The following PEBP4 variants were observed in gnomAD, a reference collection of about 807,000 sequenced individuals.
PEBP4 encodes phosphatidylethanolamine-binding protein 4.
Under a neutral mutation model 23.9 loss-of-function variants are expected in PEBP4, and 22 were observed. The observed-to-expected ratio is 0.92, with a 90% CI of 0.66 to 1.31. The LOEUF (loss-of-function observed/expected upper bound fraction) is 1.31, where lower values mean the gene tolerates loss of function less well. Among genes scored for constraint, PEBP4 ranks in the 40% most tolerant of loss-of-function variants. The pLI, the probability that PEBP4 is intolerant of heterozygous loss-of-function variation, is 0.00. For synonymous variants in PEBP4, 112 were observed against 99.3 expected (o/e 1.13, Z -0.76); for missense variants, 324 against 281.7 (o/e 1.15, Z -1.07).
At chr8:22,794,753 T>C (rs1391635259) in intron 4 of PEBP4, among the ~76,000 whole-genome samples, 1 of 152,218 alleles carries the variant, frequency 6.6e-6, no homozygotes, top group Non-Finnish European at 1.5e-5. Context: ...GATTGGTCAA[T>C]TATTTCACTT....
intron 3 of PEBP4, among the ~76,000 whole-genome samples, chr8:22,905,769 A>G (rs980753024): frequency 1.3e-5 from 2 of 152,156 alleles, no homozygotes; most frequent in African/African-American, 2.4e-5. Context: ...GTTCCTCTCC[A>G]CGGGGCCCTG....
At chr8:22,913,624 A>C (rs1044503480) in intron 3 of PEBP4, among the ~76,000 whole-genome samples, 1 of 150,926 alleles carries the variant, frequency 6.6e-6, no homozygotes, top group Non-Finnish European at 1.5e-5. Flanking sequence ...GGCACCTCCC[A>C]CCCCTGACTT....
chr8:22,782,714 G>A (rs545156732), intron 4 of PEBP4, among the ~76,000 whole-genome samples: 1 of 152,292 alleles, frequency 6.6e-6, no homozygotes, highest in East Asian at 1.9e-4. Flanking sequence ...GGGAGAGCCC[G>A]ACCACTTTCA....
chr8:22,900,706 C>G (rs188082443), intron 3 of PEBP4, among the ~76,000 whole-genome samples: 4 of 151,782 alleles, frequency 2.6e-5, no homozygotes, highest in Non-Finnish European at 5.9e-5. Flanking sequence ...AGAGAACTAG[C>G]CTAGGAGGTT....
At chr8:22,802,854 T>C (rs954899888) in intron 4 of PEBP4, among the ~76,000 whole-genome samples, 4 of 152,218 alleles carry the variant, frequency 2.6e-5, no homozygotes, top group Admixed American at 2.6e-4. Flanking sequence ...TATGGAATTA[T>C]AAACTATCAG....
intron 4 of PEBP4, among the ~76,000 whole-genome samples, chr8:22,776,936 C>G (rs1157661172): frequency 6.6e-6 from 1 of 151,758 alleles, no homozygotes; most frequent in Non-Finnish European, 1.5e-5. Flanking sequence ...GGGGTACAAC[C>G]AGGGCAGCAT....
In PEBP4 at chr8:22,860,168, GTA is replaced by G. The variant is rs35419356; in HGVS notation, c.259-42435_259-42434del. Among the ~76,000 whole-genome samples the G allele has an allele frequency of 4.5e-4, 55 of 122,780 alleles. 1 individual carries two copies. In the East Asian group the frequency reaches 5.9e-3, roughly 13 times the overall value. 80.5% of individuals were successfully genotyped at this position (122,780 alleles called of 152,430 possible). On this transcript the variant is annotated intron_variant, in intron 3 of 6. Transcript: ENST00000256404. Reference sequence around the variant, plus strand: ...AAAAATTATATATACACATATATATGTATATATATATACACATATATATGTAT... The same window carrying G: ...AAAAATTATATATACACATATATATGTATATATATACACATATATATGTAT...
intron 3 of PEBP4, among the ~76,000 whole-genome samples, chr8:22,873,234 C>T (rs867150723): frequency 6.6e-6 from 1 of 152,262 alleles, no homozygotes; most frequent in South Asian, 2.1e-4. Context: ...TCTTCTTTCT[C>T]TTCATTGTCA....
chr8:22,791,550 G>T (rs773621362), intron 4 of PEBP4, among the ~76,000 whole-genome samples: 3 of 151,816 alleles, frequency 2.0e-5, no homozygotes, highest in Non-Finnish European at 4.4e-5. Flanking sequence ...CTCTCTGTGC[G>T]TTCGCGCGTG....
intron 4 of PEBP4, among the ~76,000 whole-genome samples, chr8:22,778,006 C>A (rs1805848505): frequency 6.6e-6 from 1 of 152,166 alleles, no homozygotes; most frequent in Non-Finnish European, 1.5e-5. Context: ...GAGGGGGAAA[C>A]AGAGTCCCAC....
At chr8:22,912,027 G>A (rs1278423723) in intron 3 of PEBP4, among the ~76,000 whole-genome samples, 1 of 152,094 alleles carries the variant, frequency 6.6e-6, no homozygotes, top group Non-Finnish European at 1.5e-5. Flanking sequence ...GGGGGTGGCG[G>A]ATTGGGTAAG....
At chr8:22,766,598 T>C (rs1377201430) in intron 4 of PEBP4, among the ~76,000 whole-genome samples, 1 of 152,140 alleles carries the variant, frequency 6.6e-6, no homozygotes, top group East Asian at 1.9e-4. Flanking sequence ...CTGTGACACA[T>C]CCCTGCACAT....
At chr8:22,897,008 T>TAC (rs1554495427) in intron 3 of PEBP4, among the ~76,000 whole-genome samples, 145 of 151,650 alleles carry the variant, frequency 9.6e-4, no homozygotes, top group African/African-American at 3.4e-3. Flanking sequence ...GTTATATATA[T>TAC]ACACATATAT....
rs148367016 is a variant in PEBP4 at position 22,806,761 on chromosome 8, C to T, written c.357+10876G>A. ...TTTGTTAACAAGTCACAAACTCCCACCTACCACAACAGTCATTGAAGCAAC... is the reference window on the plus strand; with the variant it reads ...TTTGTTAACAAGTCACAAACTCCCATCTACCACAACAGTCATTGAAGCAAC... On this transcript the variant is annotated intron_variant, in intron 4 of 6. Coordinates refer to ENST00000256404, the MANE Select transcript of PEBP4 (RefSeq NM_144962.3). Among the ~76,000 whole-genome samples, 428 of 152,314 alleles carry T rather than the reference C, an allele frequency of 2.8e-3. 1 individual carries two copies. Among genetic ancestry groups the T allele is most frequent in the Admixed American group, 6.7e-3 (102 of 15,300 alleles).
Position 22,830,342 on chromosome 8 carries a change from A to G in PEBP4, c.259-12607T>C, listed in dbSNP as rs1220105957. On this transcript the variant is annotated intron_variant, in intron 3 of 6. Coordinates refer to ENST00000256404, the MANE Select transcript of PEBP4 (RefSeq NM_144962.3). The stretch of plus-strand genomic sequence containing the variant: ...TGTATTTTAGTAGAGATGGGGTTTC[A>G]CCATGTTGGCCAGGATGGTCTCAAT... Among the ~76,000 whole-genome samples the G allele has an allele frequency of 4.9e-4, 75 of 151,838 alleles. 1 individual carries two copies. The highest frequency in any genetic ancestry group is 8.8e-5 in the Non-Finnish European group (6 of 67,974).
rs564644499 is a variant in PEBP4, at chr8:22,874,758, C to T, written c.258+45426G>A. ...TCCTATGGCAGCCTCAATAACGCAG[C>T]GCTTCTGTTCTGCATGAATAAATAT... On this transcript the variant is annotated intron_variant, in intron 3 of 6. Coordinates refer to ENST00000256404, the MANE Select transcript of PEBP4 (RefSeq NM_144962.3). 9.9e-5 allele frequency among the ~76,000 whole-genome samples: 15 copies of T among 152,238 alleles called. No individual in the cohort carries two copies. In the East Asian group the frequency reaches 1.9e-3, roughly 20 times the overall value.
chr8:22,896,427 C>A lies in PEBP4; in HGVS notation c.258+23757G>T, dbSNP rs1563252824. On this transcript the variant is annotated intron_variant, in intron 3 of 6. Coordinates refer to ENST00000256404, the MANE Select transcript of PEBP4 (RefSeq NM_144962.3). ...CAGGCTAAGGGGAGTCTTCCCTGAT[C>A]TCCCCTCCTCATCCCAGTGATGGGG... Among the ~76,000 whole-genome samples, 8 of 152,318 alleles carry A rather than the reference C, an allele frequency of 5.3e-5. No individual in the cohort carries two copies. The South Asian group carries it at 1.7e-3, about 32-fold the overall frequency.
chr8:22,921,000 G>C (rs941110101), intron 2 of PEBP4, among the ~76,000 whole-genome samples: 2 of 152,234 alleles, frequency 1.3e-5, no homozygotes, highest in African/African-American at 4.8e-5. Context: ...ACAGCACCAG[G>C]GTTCTAAGAA....
upstream of PEBP4, among the ~76,000 whole-genome samples, chr8:22,931,046 A>G (rs1809448416): frequency 6.6e-6 from 1 of 151,786 alleles, no homozygotes; most frequent in Non-Finnish European, 1.5e-5. Context: ...CTCCCTTCTT[A>G]TCCCTCCAGG....
Sources: gnomAD v4.1 joint callset for allele counts (sites outside exome capture counted in the v4.1 genomes callset) on GRCh38, gnomAD v4.1.1 for gene constraint, MANE v1.5 for transcripts, NCBI Gene and HGNC (gene_info 2026-07-23, HGNC 2026-07-21) for gene names.